Variants in RCSD1 observed in about 807,000 individuals in gnomAD.
RCSD1 encodes RCSD domain containing 1.
RCSD1 carries 26 observed loss-of-function variants against 42.5 expected under a neutral mutation model. The ratio of observed to expected loss-of-function variants is 0.61; its 90% CI spans 0.45 to 0.85. The LOEUF (loss-of-function observed/expected upper bound fraction) is 0.85, where lower values mean the gene tolerates loss of function less well. Among genes scored for constraint, RCSD1 ranks in the 40% least tolerant of loss-of-function variants. The pLI is 0.00. For missense variants in RCSD1, 571 were observed against 528.3 expected (o/e 1.08, Z -0.79); for synonymous variants, 220 against 212.2 (o/e 1.04, Z -0.32).
chr1:167,686,752 G>A (rs1219282438), intron 3 of RCSD1, among the ~76,000 whole-genome samples: 3 of 152,188 alleles, frequency 2.0e-5, no homozygotes, highest in Non-Finnish European at 4.4e-5. Flanking sequence ...TCTCTTTCCA[G>A]AGAATCAACT....
chr1:167,703,743 G>A (rs1443401270), intron 6 of RCSD1, among the ~76,000 whole-genome samples: 5 of 152,094 alleles, frequency 3.3e-5, no homozygotes, highest in East Asian at 3.9e-4. Context: ...TAGTGGGGCC[G>A]GGGCTCCAGC....
At chr1:167,653,990 T>A (rs1658367738) in intron 1 of RCSD1, among the ~76,000 whole-genome samples, 1 of 152,212 alleles carries the variant, frequency 6.6e-6, no homozygotes, top group Non-Finnish European at 1.5e-5. Flanking sequence ...GCTGCAGCTT[T>A]GTCACCTTTG....
chr1:167,697,645 G>A lies in RCSD1; in HGVS notation c.1021G>A (p.Glu341Lys), dbSNP rs1479291959. The A allele has an allele frequency of 8.1e-6, 13 of 1,606,448 alleles. No homozygotes were observed. The highest frequency in any genetic ancestry group is 2.7e-5 in the African/African-American group (2 of 74,736). Reference protein sequence around the residue: ...HDSQETKKLEEGAAVKETPHS... With the variant: ...HDSQETKKLEKGAAVKETPHS... ...CAGCCAAGAAACAAAGAAGCTGGAG[G>A]AGGGAGCTGCAGTGAAGGAGACCCC... The change falls in exon 6 of 7, where the codon GAG (glutamate) becomes AAG (lysine). Residue 341 changes from glutamate to lysine, a missense_variant. Transcript: ENST00000367854.
In RCSD1 at chr1:167,685,479, C is replaced by A. The variant is rs145561033; in HGVS notation, c.167C>A (p.Pro56His). Residue 56 changes from proline (P) to histidine (H), a missense_variant, in exon 3 of 7, where the codon CCC becomes CAC. By Grantham distance (77) the Pro-to-His change is moderately conservative. Transcript: ENST00000367854. Reference protein sequence around the residue: ...KPPCSLPLFPPKVDLGQNGEE... With the variant: ...KPPCSLPLFPHKVDLGQNGEE... ...CCCTGTTCCCTCCCCCTGTTCCCCC[C>A]CAAGGTAGACCTGGGCCAGAATGGT... 1,385 of 1,613,958 alleles carry A rather than the reference C, an allele frequency of 8.6e-4. 20 individuals are homozygous for A. The East Asian group carries it at 0.013, about 16-fold the overall frequency.
intron 1 of RCSD1, among the ~76,000 whole-genome samples, chr1:167,672,769 C>T (rs1033193208): frequency 6.6e-6 from 1 of 152,182 alleles, no homozygotes. Flanking sequence ...AGGATGAGGA[C>T]ATCTTTGAGG....
intron 6 of RCSD1, among the ~76,000 whole-genome samples, chr1:167,701,957 C>A (rs970282744): frequency 2.6e-5 from 4 of 152,180 alleles, no homozygotes; most frequent in African/African-American, 7.2e-5. Context: ...GCAGCACACA[C>A]CTCTAAGCAG....
chr1:167,640,168 G>GT (rs1657970311), intron 1 of RCSD1, among the ~76,000 whole-genome samples: 1 of 152,322 alleles, frequency 6.6e-6, no homozygotes, highest in South Asian at 2.1e-4. Flanking sequence ...GGCTGCTGCC[G>GT]TAACAGATTA....
chr1:167,685,941 C>G (rs1356042857), intron 3 of RCSD1, among the ~76,000 whole-genome samples: 4 of 152,094 alleles, frequency 2.6e-5, no homozygotes, highest in East Asian at 1.9e-4. Context: ...GAGAAAACCC[C>G]GTGATTCTGC....
At chr1:167,660,742 G>T (rs1336042590) in intron 1 of RCSD1, among the ~76,000 whole-genome samples, 1 of 152,128 alleles carries the variant, frequency 6.6e-6, no homozygotes, top group Non-Finnish European at 1.5e-5. Flanking sequence ...CCAAAGTGCT[G>T]GGATTTCAGG....
At chr1:167,689,571 G>A (rs1342130360) in intron 3 of RCSD1, among the ~76,000 whole-genome samples, 2 of 151,956 alleles carry the variant, frequency 1.3e-5, no homozygotes, top group Non-Finnish European at 1.5e-5. Flanking sequence ...TGCCATCGAT[G>A]GGATTTTCCA....
chr1:167,702,085 C>T (rs921171957), intron 6 of RCSD1, among the ~76,000 whole-genome samples: 1 of 152,190 alleles, frequency 6.6e-6, no homozygotes, highest in Non-Finnish European at 1.5e-5. Context: ...ACCCGTTATC[C>T]CTACCACTAT....
rs147123587 is a variant in RCSD1 at position 167,666,392 on chromosome 1, T to G, written c.7-17508T>G. On this transcript the variant is annotated intron_variant, in intron 1 of 6. Coordinates refer to ENST00000367854, the MANE Select transcript of RCSD1 (RefSeq NM_052862.4). ...AGTACCTGGCACAATAATCATTCAG[T>G]AAATTAGCTGTTTTATTACTGTTGA... Among the ~76,000 whole-genome samples the G allele has an allele frequency of 3.0e-3, 451 of 152,330 alleles. 1 individual carries two copies. Among genetic ancestry groups the G allele is most frequent in the Non-Finnish European group, 5.6e-3 (380 of 68,020 alleles).
At chr1:167,702,338 G>A (rs1435778141) in intron 6 of RCSD1, among the ~76,000 whole-genome samples, 1 of 152,172 alleles carries the variant, frequency 6.6e-6, no homozygotes, top group Non-Finnish European at 1.5e-5. Flanking sequence ...TTAACATATC[G>A]TACTGAAAGA....
At position 167,697,668 on chromosome 1, in the gene RCSD1, C is replaced by T; in HGVS notation, c.1044C>T (p.Thr348=). Residue 348 remains threonine (T), a synonymous_variant, in exon 6 of 7, where the codon ACC becomes ACT. Transcript: ENST00000367854. ...AGGAGGGAGCTGCAGTGAAGGAGACCCCCCACAGTCCCCCTGGAGGAGTGA... is the reference window on the plus strand; with the variant it reads ...AGGAGGGAGCTGCAGTGAAGGAGACTCCCCACAGTCCCCCTGGAGGAGTGA... ...KLEEGAAVKE[T]PHSPPGGVKG... is the part of the protein sequence containing the mutation. 6.2e-7 allele frequency: 1 copy of T among 1,604,130 alleles called. No homozygotes were observed. The highest frequency in any genetic ancestry group is 1.1e-5 in the South Asian group (1 of 89,226).
At chr1:167,639,952 TC>T (rs1372178321) in intron 1 of RCSD1, among the ~76,000 whole-genome samples, 2 of 152,202 alleles carry the variant, frequency 1.3e-5, no homozygotes, top group Non-Finnish European at 2.9e-5. Context: ...TGTTGTCCAG[TC>T]ATGCCTGAAT....
At chr1:167,651,678 C>T (rs1658311022) in intron 1 of RCSD1, among the ~76,000 whole-genome samples, 1 of 152,198 alleles carries the variant, frequency 6.6e-6, no homozygotes, top group Non-Finnish European at 1.5e-5. Context: ...TCCCTGCCAT[C>T]CTGCAAGTAA....
chr1:167,669,267 T>C (rs1030235279), intron 1 of RCSD1, among the ~76,000 whole-genome samples: 1 of 152,258 alleles, frequency 6.6e-6, no homozygotes, highest in Admixed American at 6.5e-5. Context: ...TTGGTGCAGA[T>C]ACAGACTGAT....
At chr1:167,649,370 G>A (rs1658246536) in intron 1 of RCSD1, among the ~76,000 whole-genome samples, 1 of 152,174 alleles carries the variant, frequency 6.6e-6, no homozygotes, top group South Asian at 2.1e-4. Context: ...CTAATTGCAA[G>A]GGGAGAGTCC....
intron 1 of RCSD1, chr1:167,664,525 C>G (rs1192030723): frequency 6.6e-6 from 1 of 152,332 alleles, no homozygotes; most frequent in East Asian, 1.9e-4. Flanking sequence ...AAAATTCACC[C>G]CTTTTAAGTG....
Sources: allele counts gnomAD v4.1 joint callset (sites outside exome capture counted in the v4.1 genomes callset), GRCh38; gene constraint gnomAD v4.1.1; transcripts MANE v1.5; gene names NCBI Gene and HGNC (gene_info 2026-07-23, HGNC 2026-07-21).